CALN1: variants seen among roughly 807,000 people sequenced by gnomAD.
CALN1 encodes the protein calneuron 1.
CALN1 carries 17 observed loss-of-function variants against 30.6 expected under a neutral mutation model. The observed-to-expected ratio is 0.56, with a 90% CI of 0.38 to 0.83. The LOEUF (loss-of-function observed/expected upper bound fraction) is 0.83. CALN1 is among the 40% of genes least tolerant of loss of function. The pLI is 0.00. For synonymous variants in CALN1, 156 were observed against 131.4 expected (o/e 1.19, Z -1.28); for missense variants, 291 against 354.9 (o/e 0.82, Z 1.45).
intron 2 of CALN1, among the ~76,000 whole-genome samples, chr7:72,342,318 T>C (rs575219713): frequency 1.3e-5 from 2 of 151,804 alleles, no homozygotes; most frequent in Non-Finnish European, 2.9e-5. Context: ...GGCAGACTTC[T>C]GCAGTTTCTT....
chr7:71,960,134 AAAAT>A (rs71092940), intron 5 of CALN1, among the ~76,000 whole-genome samples: 13,181 of 135,652 alleles, frequency 0.097, 746 homozygotes, highest in Admixed American at 0.16. Context: ...CTCCATCTCA[AAAAT>A]AAATAAATAA....
At chr7:72,020,259 G>C (rs1800628376) in intron 5 of CALN1, among the ~76,000 whole-genome samples, 1 of 152,066 alleles carries the variant, frequency 6.6e-6, no homozygotes, top group Admixed American at 6.6e-5. Context: ...GGCTCTCACT[G>C]TGTTGGGAAA....
chr7:71,989,121 T>C (rs918291354), intron 5 of CALN1, among the ~76,000 whole-genome samples: 3 of 152,280 alleles, frequency 2.0e-5, no homozygotes, highest in Non-Finnish European at 4.4e-5. Flanking sequence ...ATAAAAAAGA[T>C]AGTGCCAACT....
chr7:72,065,752 G>C (rs1455635505), intron 4 of CALN1, among the ~76,000 whole-genome samples: 1 of 152,052 alleles, frequency 6.6e-6, no homozygotes, highest in African/African-American at 2.4e-5. Context: ...AATTAGCCAG[G>C]CGTGGAGGCG....
At chr7:71,963,220 C>T (rs184276438) in intron 5 of CALN1, among the ~76,000 whole-genome samples, 15 of 152,080 alleles carry the variant, frequency 9.9e-5, no homozygotes, top group African/African-American at 2.4e-4. Context: ...TGGAGTGCGG[C>T]GGCGCGATCT....
intron 3 of CALN1, among the ~76,000 whole-genome samples, chr7:72,201,351 G>A (rs970560006): frequency 3.3e-5 from 5 of 152,158 alleles, no homozygotes; most frequent in African/African-American, 1.2e-4. Flanking sequence ...CACTTTGGGA[G>A]GCCGAGGTGG....
At chr7:72,176,196 T>G (rs916689376) in intron 3 of CALN1, among the ~76,000 whole-genome samples, 1 of 152,142 alleles carries the variant, frequency 6.6e-6, no homozygotes, top group Non-Finnish European at 1.5e-5. Flanking sequence ...TGTCTTTGAC[T>G]GTTAAGCTAC....
intron 5 of CALN1, among the ~76,000 whole-genome samples, chr7:71,871,110 T>C (rs928092081): frequency 3.3e-5 from 5 of 152,224 alleles, no homozygotes; most frequent in Non-Finnish European, 7.3e-5. Flanking sequence ...CTCAATCTAC[T>C]TAAGAGAACA....
At chr7:72,398,081 C>A in intron 2 of CALN1, among the ~76,000 whole-genome samples, 1 of 152,098 alleles carries the variant, frequency 6.6e-6, no homozygotes, top group East Asian at 1.9e-4. Flanking sequence ...AGCCCTTGGA[C>A]ACCTGTTAGG....
intron 5 of CALN1, among the ~76,000 whole-genome samples, chr7:71,857,245 G>T (rs1791011369): frequency 6.6e-6 from 1 of 152,050 alleles, no homozygotes; most frequent in Non-Finnish European, 1.5e-5. Flanking sequence ...GTGAATTTTG[G>T]TGCCTCCATA....
At chr7:72,197,320 G>T (rs756659635) in intron 3 of CALN1, among the ~76,000 whole-genome samples, 151 of 151,194 alleles carry the variant, frequency 1.0e-3, no homozygotes, top group Non-Finnish European at 1.7e-3. Context: ...TTCTGCCTCA[G>T]CCTTCTGAGT....
chr7:71,843,475 T>C (rs1427035375), intron 5 of CALN1, among the ~76,000 whole-genome samples: 1 of 151,820 alleles, frequency 6.6e-6, no homozygotes, highest in Non-Finnish European at 1.5e-5. Flanking sequence ...TTTAGAAAAA[T>C]AGCCAGGCAT....
intron 3 of CALN1, among the ~76,000 whole-genome samples, chr7:72,144,453 G>A (rs1056440280): frequency 1.3e-5 from 2 of 152,146 alleles, no homozygotes; most frequent in African/African-American, 2.4e-5. Flanking sequence ...ACCCAATACA[G>A]GAGCACCCAG....
chr7:72,028,085 A>C (rs1043546486), intron 4 of CALN1, among the ~76,000 whole-genome samples: 7 of 141,228 alleles, frequency 5.0e-5, no homozygotes, highest in East Asian at 2.1e-4. Flanking sequence ...AAAAAAAAAA[A>C]CACATGAGAC....
rs531533551 is a variant in CALN1, at chr7:72,430,838, G to A, written c.-226+16204C>T. 2.0e-5 allele frequency among the ~76,000 whole-genome samples: 3 copies of A among 152,192 alleles called. No homozygotes were observed. In the East Asian group the frequency reaches 5.8e-4, roughly 29 times the overall value. ...TCTACCAACTGTTAAAGCATATGGGGTTGCACTCAACCAGCAGCCCAAGGC... is the reference window on the plus strand; with the variant it reads ...TCTACCAACTGTTAAAGCATATGGGATTGCACTCAACCAGCAGCCCAAGGC... On this transcript the variant is annotated intron_variant, in intron 1 of 6. Coordinates refer to the CALN1 transcript ENST00000395276.
intron 3 of CALN1, among the ~76,000 whole-genome samples, chr7:72,255,659 A>C (rs1795859756): frequency 6.9e-6 from 1 of 144,036 alleles, no homozygotes; most frequent in Non-Finnish European, 1.5e-5. Flanking sequence ...CAAGTGACCC[A>C]CTGGCCTCAG....
chr7:72,082,041 C>T (rs980528302), intron 4 of CALN1, among the ~76,000 whole-genome samples: 3 of 151,978 alleles, frequency 2.0e-5, no homozygotes, highest in African/African-American at 7.3e-5. Context: ...GGCTGGAGTG[C>T]AGTGGTGCAG....
chr7:72,288,097 C>T (rs1279519654), intron 2 of CALN1, among the ~76,000 whole-genome samples: 1 of 151,772 alleles, frequency 6.6e-6, no homozygotes, highest in African/African-American at 2.4e-5. Context: ...GTGGTTCTGG[C>T]TCAAGGAGTC....
At chr7:72,330,723 A>G (rs886683520) in intron 2 of CALN1, among the ~76,000 whole-genome samples, 5 of 152,326 alleles carry the variant, frequency 3.3e-5, no homozygotes, top group Non-Finnish European at 7.3e-5. Context: ...GGTGCATGAG[A>G]TAAAGTAACC....
Sources: gnomAD v4.1 joint callset for allele counts (sites outside exome capture counted in the v4.1 genomes callset) on GRCh38, gnomAD v4.1.1 for gene constraint, MANE v1.5 for transcripts, NCBI Gene and HGNC (gene_info 2026-07-23, HGNC 2026-07-21) for gene names.